LRRIQ4: variants seen among roughly 807,000 people sequenced by gnomAD.
LRRIQ4 encodes the protein leucine rich repeats and IQ motif containing 4.
LRRIQ4 carries 21 observed loss-of-function variants against 40.1 expected under a neutral mutation model. The observed-to-expected ratio is 0.52, with a 90% confidence interval of 0.37 to 0.75. The LOEUF (loss-of-function observed/expected upper bound fraction) is 0.75. Ranked by LOEUF, LRRIQ4 falls within the 30% of genes least tolerant of loss-of-function variation. The probability of loss-of-function intolerance (pLI) is 0.00; values close to 1 mark genes in which losing one functional copy is unlikely to be tolerated. For synonymous variants in LRRIQ4, 277 were observed against 277.1 expected, an observed-to-expected ratio of 1.00 and a Z score of 0.00; for missense variants, 655 against 660.0, an observed-to-expected ratio of 0.99 and a Z score of 0.08.
intron 5 of LRRIQ4, among the ~76,000 whole-genome samples, chr3:169,834,639 C>G (rs963687889): frequency 6.6e-6 from 1 of 152,094 alleles, no homozygotes; most frequent in African/African-American, 2.4e-5. Flanking sequence ...TATGATTTGT[C>G]AACACCAATT....
chr3:169,831,229 G>T lies in LRRIQ4; in HGVS notation c.1333+599G>T, dbSNP rs1326999055. On this transcript the variant is annotated intron_variant, in intron 4 of 5. Transcript: ENST00000340806. Reference sequence around the variant, plus strand: ...TTCTTTTTTTTTTTCTGAATCCTAGGCTTATGCACATGTTTTCAAACTATG... The same window carrying T: ...TTCTTTTTTTTTTTCTGAATCCTAGTCTTATGCACATGTTTTCAAACTATG... 1.4e-3 allele frequency among the ~76,000 whole-genome samples: 189 copies of T among 139,512 alleles called. 2 individuals are homozygous for T. The highest frequency in any genetic ancestry group is 2.0e-3 in the Non-Finnish European group (132 of 64,398). The allele number at this position is 139,512 out of a possible 152,430, so 91.5% of individuals were successfully genotyped here. A position where few individuals can be genotyped will look rare whatever the true frequency, so the allele number is the denominator to read the frequency against.
At chr3:169,835,692 C>T in intron 5 of LRRIQ4, among the ~76,000 whole-genome samples, 1 of 152,110 alleles carries the variant, frequency 6.6e-6, no homozygotes, top group South Asian at 2.1e-4. Context: ...TTCCAAAATG[C>T]CTCTAGAGAG....
chr3:169,830,543 T>A lies in LRRIQ4; in HGVS notation c.1246T>A (p.Ser416Thr). ...CAATCATCTGGAGTACCTGCCCGTA[T>A]CCTTGGGGTCAATGCCTAACCTAGA... Reference protein sequence around the residue: ...ENNHLEYLPVSLGSMPNLEVL... With the variant: ...ENNHLEYLPVTLGSMPNLEVL... Residue 416 changes from serine (S) to threonine (T), a missense_variant, in exon 4 of 6, where the codon TCC becomes ACC. Transcript: ENST00000340806. The A allele has an allele frequency of 6.2e-7, 1 of 1,613,054 alleles. No individual in the cohort carries two copies. The highest frequency in any genetic ancestry group is 8.5e-7 in the Non-Finnish European group (1 of 1,179,394).
chr3:169,818,766 T>C (rs778017485), intron 1 of LRRIQ4, among the ~76,000 whole-genome samples: 2 of 152,238 alleles, frequency 1.3e-5, no homozygotes, highest in Non-Finnish European at 2.9e-5. Context: ...TTGTTTGTGA[T>C]TCACCAGTTT....
Position 169,830,477 on chromosome 3 carries a change from C to T in LRRIQ4, c.1195-15C>T, listed in dbSNP as rs756647335. Reference sequence around the variant, plus strand: ...AATCAAGGTATATTATTATGGTACACTCATGTTATTTCAGAGTCTCAAAGA... The same window carrying T: ...AATCAAGGTATATTATTATGGTACATTCATGTTATTTCAGAGTCTCAAAGA... On this transcript the variant is annotated splice_polypyrimidine_tract_variant and intron_variant, in intron 3 of 5. Coordinates refer to ENST00000340806, the MANE Select transcript of LRRIQ4 (RefSeq NM_001080460.3). 1.2e-5 allele frequency: 18 copies of T among 1,484,878 alleles called. No individual in the cohort carries two copies. Among genetic ancestry groups the T allele is most frequent in the Non-Finnish European group, 1.6e-5 (18 of 1,100,160 alleles). The allele number at this position is 1,484,878 out of a possible 1,614,324, so 92.0% of individuals were successfully genotyped here.
Position 169,837,465 on chromosome 3 carries a change from T to C in LRRIQ4, c.1531-14T>C. On this transcript the variant is annotated splice_polypyrimidine_tract_variant and intron_variant, in intron 5 of 5. Transcript: ENST00000340806. Reference sequence around the variant, plus strand: ...TACCAGCCGATGCTGAATTTGGGTTTATCTTGTTTTCAGATTCAGGCATGG... The same window carrying C: ...TACCAGCCGATGCTGAATTTGGGTTCATCTTGTTTTCAGATTCAGGCATGG... 6.3e-7 allele frequency: 1 copy of C among 1,597,456 alleles called. No individual in the cohort carries two copies. Among genetic ancestry groups the C allele is most frequent in the South Asian group, 1.2e-5 (1 of 85,684 alleles).
chr3:169,826,134 G>A (rs1338361313), intron 2 of LRRIQ4, among the ~76,000 whole-genome samples: 4 of 152,178 alleles, frequency 2.6e-5, no homozygotes, highest in Non-Finnish European at 5.9e-5. Context: ...ACTCACGCCT[G>A]TAATCACAAC....
chr3:169,837,593 G>T lies in LRRIQ4; in HGVS notation c.1645G>T (p.Asp549Tyr), dbSNP rs1780338371. ...TSPKDKKGKK[D>Y]VKGKPGKGKK... ...TCCAAAAGATAAGAAAGGAAAGAAG[G>T]ATGTAAAAGGAAAACCAGGAAAGGG... Residue 549 changes from aspartate to tyrosine, a missense_variant, in exon 6 of 6, where the codon GAT (aspartate) becomes TAT (tyrosine). Coordinates refer to ENST00000340806, the MANE Select transcript of LRRIQ4 (RefSeq NM_001080460.3). 1.3e-6 allele frequency: 2 copies of T among 1,589,402 alleles called. No individual in the cohort carries two copies. The highest frequency in any genetic ancestry group is 8.6e-7 in the Non-Finnish European group (1 of 1,168,988).
At chr3:169,831,440 ATTTTTTTTTTTTTTTTTTTTT>A (rs750864248) in intron 4 of LRRIQ4, among the ~76,000 whole-genome samples, 19 of 29,426 alleles carry the variant, frequency 6.5e-4, no homozygotes, top group South Asian at 2.8e-3. Flanking sequence ...CGCCCGGCTA[ATTTTTTTTTTTTTTTTTTTTT>A]TTTTTTTTTT....
chr3:169,816,353 T>C (rs1288922907), intron 1 of LRRIQ4, among the ~76,000 whole-genome samples: 1 of 152,176 alleles, frequency 6.6e-6, no homozygotes, highest in African/African-American at 2.4e-5. Context: ...TATTGGTCTA[T>C]TGAGGTTTCA....
chr3:169,833,320 T>C, intron 5 of LRRIQ4, 137 bp downstream of exon 5: 3 of 683,606 alleles, frequency 4.4e-6, no homozygotes, highest in Non-Finnish European at 7.1e-6. Flanking sequence ...GTAACTTTTA[T>C]GTCCCCAGGG....
In LRRIQ4 at chr3:169,837,703, C is replaced by A; in HGVS notation, c.*72C>A. On this transcript the variant is annotated 3_prime_UTR_variant, in exon 6 of 6. Coordinates refer to ENST00000340806, the MANE Select transcript of LRRIQ4 (RefSeq NM_001080460.3). The stretch of plus-strand genomic sequence containing the variant: ...AGACAAAATATCTAGGAATTAGATG[C>A]CTACTACATTAAAATTATTCATAAA... 1 of 1,126,796 alleles carries A rather than the reference C, an allele frequency of 8.9e-7. No individual in the cohort carries two copies. Among genetic ancestry groups the A allele is most frequent in the Non-Finnish European group, 1.2e-6 (1 of 811,148 alleles). 69.8% of individuals were successfully genotyped at this position (1,126,796 alleles called of 1,614,324 possible).
intron 5 of LRRIQ4, among the ~76,000 whole-genome samples, chr3:169,833,568 G>C (rs547833744): frequency 1.1e-3 from 161 of 152,236 alleles, no homozygotes; most frequent in Non-Finnish European, 9.0e-4. Flanking sequence ...CTGAGCCCAG[G>C]GTTCTGAGCT....
intron 2 of LRRIQ4, among the ~76,000 whole-genome samples, chr3:169,824,215 A>G (rs1779989268): frequency 6.6e-6 from 1 of 152,112 alleles, no homozygotes; most frequent in South Asian, 2.1e-4. Context: ...GAGAGAAGGA[A>G]GTCAACAAAA....
chr3:169,833,285 T>G (rs1206941199), intron 5 of LRRIQ4, 102 bp downstream of exon 5: 1 of 956,206 alleles, frequency 1.0e-6, no homozygotes, highest in Admixed American at 3.1e-5. Context: ...ACCCTTGTCC[T>G]GCTTCTGAAA....
chr3:169,827,764 T>C (rs1171842105), intron 2 of LRRIQ4, among the ~76,000 whole-genome samples: 1 of 152,190 alleles, frequency 6.6e-6, no homozygotes, highest in Non-Finnish European at 1.5e-5. Context: ...TAATGAGCTT[T>C]TCTTCACAGG....
At chr3:169,815,606 T>C (rs1779748994) in intron 1 of LRRIQ4, among the ~76,000 whole-genome samples, 1 of 152,200 alleles carries the variant, frequency 6.6e-6, no homozygotes, top group Admixed American at 6.5e-5. Flanking sequence ...TGGGTTCTTC[T>C]TTTCCAGTTT....
At chr3:169,832,631 C>CAAAAAAAAAAA (rs3047516) in intron 4 of LRRIQ4, among the ~76,000 whole-genome samples, 1 of 67,366 alleles carries the variant, frequency 1.5e-5, no homozygotes, top group Non-Finnish European at 2.8e-5. Flanking sequence ...GACTCTGTCT[C>CAAAAAAAAAAA]AAAAAAAAAA....
chr3:169,828,958 A>G (rs768539861), intron 3 of LRRIQ4, 26 bp downstream of exon 3: 2 of 1,580,678 alleles, frequency 1.3e-6, no homozygotes, highest in African/African-American at 1.4e-5. Context: ...TGAGCAGGCT[A>G]AGAAGCACCT....
Sources: allele counts gnomAD v4.1 joint callset (sites outside exome capture counted in the v4.1 genomes callset), GRCh38; gene constraint gnomAD v4.1.1; transcripts MANE v1.5; gene names NCBI Gene and HGNC (gene_info 2026-07-23, HGNC 2026-07-21).